KCNH1: variants seen among roughly 807,000 people sequenced by gnomAD.
KCNH1 encodes potassium voltage-gated channel subfamily H member 1.
In KCNH1, 27 loss-of-function variants were observed where a neutral mutation model predicts 69.2. That is an observed-to-expected ratio of 0.39 (90% CI 0.29 to 0.54). The LOEUF is 0.54. KCNH1 is among the 20% of genes least tolerant of loss of function. KCNH1 has a pLI of 0.68. For synonymous variants in KCNH1, 456 were observed against 487.7 expected (o/e 0.93, Z 0.86); for missense variants, 798 against 1,261.6 (o/e 0.63, Z 5.57).
At chr1:210,902,869 C>T (rs1687024709) in intron 7 of KCNH1, among the ~76,000 whole-genome samples, 1 of 152,196 alleles carries the variant, frequency 6.6e-6, no homozygotes, top group South Asian at 2.1e-4. Flanking sequence ...TTTCATCTTG[C>T]TCCTCTTCTA....
intron 6 of KCNH1, among the ~76,000 whole-genome samples, chr1:210,921,497 C>G (rs1415727284): frequency 6.6e-6 from 1 of 152,212 alleles, no homozygotes; most frequent in Admixed American, 6.5e-5. Flanking sequence ...AGTTATGTCA[C>G]AGACAGAAGG....
chr1:211,000,772 G>T (rs1325412134), intron 6 of KCNH1, among the ~76,000 whole-genome samples: 8 of 152,114 alleles, frequency 5.3e-5, no homozygotes, highest in Admixed American at 1.3e-4. Context: ...ATACTACAAG[G>T]CTACAGTAAC....
At chr1:210,991,825 C>T (rs1268173874) in intron 6 of KCNH1, among the ~76,000 whole-genome samples, 2 of 152,078 alleles carry the variant, frequency 1.3e-5, no homozygotes, top group African/African-American at 4.8e-5. Context: ...GCAGAATTAG[C>T]CCTTAGCACT....
At chr1:210,894,688 G>T (rs1027187682) in intron 7 of KCNH1, among the ~76,000 whole-genome samples, 1 of 152,056 alleles carries the variant, frequency 6.6e-6, no homozygotes, top group Non-Finnish European at 1.5e-5. Context: ...TATTATTGGA[G>T]TATCTTTATT....
At chr1:210,830,640 T>A (rs1316446347) in intron 7 of KCNH1, among the ~76,000 whole-genome samples, 1 of 151,962 alleles carries the variant, frequency 6.6e-6, no homozygotes, top group Non-Finnish European at 1.5e-5. Flanking sequence ...AAAAGAAAAA[T>A]TTTAAGTAGA....
chr1:211,131,434 T>G (rs1421875071), intron 1 of KCNH1, among the ~76,000 whole-genome samples: 1 of 152,188 alleles, frequency 6.6e-6, no homozygotes, highest in Non-Finnish European at 1.5e-5. Flanking sequence ...AATAAGCCAC[T>G]TAATATTCCT....
At chr1:211,043,349 A>G (rs2102433712) in intron 5 of KCNH1, among the ~76,000 whole-genome samples, 1 of 152,304 alleles carries the variant, frequency 6.6e-6, no homozygotes, top group East Asian at 1.9e-4. Context: ...AAACTAGAAA[A>G]CATAGAGGAG....
At chr1:210,999,653 A>C (rs1401353994) in intron 6 of KCNH1, among the ~76,000 whole-genome samples, 1 of 152,240 alleles carries the variant, frequency 6.6e-6, no homozygotes, top group Non-Finnish European at 1.5e-5. Context: ...AATCCTCCCT[A>C]ACTCATTTTA....
chr1:211,103,440 A>T, intron 3 of KCNH1, 56 bp downstream of exon 3: 1 of 1,097,856 alleles, frequency 9.1e-7, no homozygotes, highest in Non-Finnish European at 1.3e-6. Context: ...GGAAGAGGAG[A>T]TATTTTACTA....
At chr1:211,066,460 G>A (rs1690532530) in intron 5 of KCNH1, among the ~76,000 whole-genome samples, 2 of 152,038 alleles carry the variant, frequency 1.3e-5, no homozygotes, top group African/African-American at 2.4e-5. Context: ...TAGCCTAAAG[G>A]TAATATCATC....
chr1:210,682,686 C>T lies in KCNH1; in HGVS notation c.*595G>A, dbSNP rs1681301311. On this transcript the variant is annotated 3_prime_UTR_variant, in exon 11 of 11. Transcript: ENST00000271751. ...TGTCTATGGGAGGCATGCACCACAC[C>T]TGCAGCTGCTTTTCTGGCCTTAACC... is the stretch of plus-strand genomic sequence containing the variant. The T allele has an allele frequency of 6.5e-6, 1 of 153,062 alleles. No individual in the cohort carries two copies. The allele number at this position is 153,062 out of a possible 1,614,324, so 9.5% of individuals were successfully genotyped here. A position where few individuals can be genotyped will look rare whatever the true frequency, so the allele number is the denominator to read the frequency against.
chr1:210,975,908 AAAAC>A (rs1401275046), intron 6 of KCNH1, among the ~76,000 whole-genome samples: 3 of 152,244 alleles, frequency 2.0e-5, no homozygotes, highest in East Asian at 1.9e-4. Context: ...TTACAAGAAA[AAAAC>A]AAACAACCCC....
At chr1:210,876,354 C>T (rs1218915349) in intron 7 of KCNH1, among the ~76,000 whole-genome samples, 2 of 152,130 alleles carry the variant, frequency 1.3e-5, no homozygotes. Context: ...CTTCCATCTA[C>T]CTTCCTCCCA....
intron 5 of KCNH1, among the ~76,000 whole-genome samples, chr1:211,034,415 G>T (rs1442539349): frequency 6.6e-6 from 1 of 151,294 alleles, no homozygotes; most frequent in African/African-American, 2.4e-5. Flanking sequence ...GCTTAAGGAA[G>T]GAGTAAGGGC....
intron 7 of KCNH1, among the ~76,000 whole-genome samples, chr1:210,887,944 C>A (rs1686652501): frequency 6.6e-6 from 1 of 152,102 alleles, no homozygotes. Context: ...GAGACTCAGA[C>A]TTCCACACAA....
At chr1:210,723,979 G>A (rs980157239) in intron 10 of KCNH1, among the ~76,000 whole-genome samples, 5 of 152,126 alleles carry the variant, frequency 3.3e-5, no homozygotes, top group African/African-American at 4.8e-5. Context: ...CACTGTGGCC[G>A]GGGAAAGAGT....
intron 10 of KCNH1, among the ~76,000 whole-genome samples, chr1:210,724,417 C>T (rs561685364): frequency 3.9e-5 from 6 of 152,148 alleles, no homozygotes; most frequent in South Asian, 2.1e-4. Context: ...CGTTAGATTC[C>T]AGGCCTCTGC....
chr1:210,770,039 A>G (rs1683721523), intron 10 of KCNH1, among the ~76,000 whole-genome samples: 1 of 152,216 alleles, frequency 6.6e-6, no homozygotes. Context: ...GAATGAGTTC[A>G]TGTCCTTTGC....
rs765364728 is a variant in KCNH1 at position 210,726,816 on chromosome 1, T to TTG, written c.2113-42679_2113-42678insCA. Among the ~76,000 whole-genome samples the TTG allele has an allele frequency of 2.8e-5, 4 of 140,594 alleles. No individual in the cohort carries two copies. In the South Asian group the frequency reaches 6.6e-4, roughly 23 times the overall value. 92.2% of individuals were successfully genotyped at this position (140,594 alleles called of 152,430 possible). ...ACCATGGACAGTTCCCCGGCGGGGG[T>TTG]GGGGTGGACTACTCTCCTCTATTCA... On this transcript the variant is annotated intron_variant, in intron 10 of 10. Transcript: ENST00000271751.
Sources: allele counts gnomAD v4.1 joint callset (sites outside exome capture counted in the v4.1 genomes callset), GRCh38; gene constraint gnomAD v4.1.1; transcripts MANE v1.5; gene names NCBI Gene and HGNC (gene_info 2026-07-23, HGNC 2026-07-21).